Variants in VPS13C observed in about 807,000 individuals in gnomAD.
VPS13C encodes vacuolar protein sorting 13 homolog C.
Under a neutral mutation model 456.8 loss-of-function variants are expected in VPS13C, and 358 were observed. The observed-to-expected ratio is 0.78, with a 90% CI of 0.72 to 0.86. The LOEUF is 0.86. VPS13C is among the 40% of genes least tolerant of loss of function. The pLI, the probability that VPS13C is intolerant of heterozygous loss-of-function variation, is 0.00. For missense variants in VPS13C, 4,818 were observed against 4,385.4 expected (o/e 1.10, Z -2.79); for synonymous variants, 1,578 against 1,486.7 (o/e 1.06, Z -1.41).
At chr15:62,010,181 C>A (rs1596472107) in intron 13 of VPS13C, among the ~76,000 whole-genome samples, 1 of 150,804 alleles carries the variant, frequency 6.6e-6, no homozygotes, top group Admixed American at 6.6e-5. Flanking sequence ...CAGAGTGAGA[C>A]TCCATCTCAA....
chr15:61,919,714 T>C (rs141887038), intron 57 of VPS13C, among the ~76,000 whole-genome samples: 101 of 151,350 alleles, frequency 6.7e-4, no homozygotes, highest in African/African-American at 2.3e-3. Context: ...ATAGCAACAA[T>C]CTTTTTCTTT....
chr15:61,888,460 T>A (rs1440751736), intron 67 of VPS13C, among the ~76,000 whole-genome samples: 1 of 152,148 alleles, frequency 6.6e-6, no homozygotes, highest in African/African-American at 2.4e-5. Context: ...CCTTCAATAG[T>A]TGAATGGATA....
In VPS13C at chr15:61,964,825, G is replaced by C. The variant is rs1287877448; in HGVS notation, c.3088C>G (p.Gln1030Glu). ...FSSLNLLLQT[Q>E]ALVASINYLT... ...TAATTAATAGAAGCGACAAGAGCTT[G>C]TGTTTGCAGCAACAGATTTAAAGAT... The change falls in exon 31 of 85, where the codon CAA (glutamine) becomes GAA (glutamate). Residue 1030 changes from glutamine (Q) to glutamate (E), a missense_variant. Around this residue, in one of 3 missense-constraint regions of VPS13C, gnomAD observed 4,552 missense variants for 4,130.6 expected, o/e 1.10. Coordinates refer to ENST00000644861, the MANE Select transcript of VPS13C (RefSeq NM_020821.3). 1.2e-6 allele frequency: 2 copies of C among 1,606,848 alleles called. No homozygotes were observed. Among genetic ancestry groups the C allele is most frequent in the Non-Finnish European group, 1.7e-6 (2 of 1,177,696 alleles).
intron 80 of VPS13C, among the ~76,000 whole-genome samples, chr15:61,869,134 T>G (rs1201659673): frequency 1.3e-5 from 2 of 149,740 alleles, no homozygotes; most frequent in African/African-American, 4.9e-5. Context: ...TTTTTTTTTT[T>G]TGAGACAAAG....
chr15:61,952,471 AAAGAATATTTAAAAGGTCTTATG>A (rs2044833394), intron 38 of VPS13C, among the ~76,000 whole-genome samples: 1 of 152,114 alleles, frequency 6.6e-6, no homozygotes, highest in South Asian at 2.1e-4. Context: ...TATATATTAC[AAAGAATATTTAAAAGGTCTTATG>A]GACTTTATAT....
chr15:61,909,047 C>A lies in VPS13C; in HGVS notation c.8923G>T (p.Ala2975Ser), dbSNP rs2140140084. 1 of 1,613,622 alleles carries A rather than the reference C, an allele frequency of 6.2e-7. No homozygotes were observed. Among genetic ancestry groups the A allele is most frequent in the East Asian group, 2.2e-5 (1 of 44,850 alleles). ...ITFSDYHEGS[A>S]PALIMNHTPW... ...GTATGGTTCATTATCAAGGCAGGTG[C>A]AGATCCCTCATGGTAATCAGAAAAA... Residue 2975 changes from alanine (A) to serine (S), a missense_variant, in exon 65 of 85, where the codon GCA (alanine) becomes TCA (serine). Around this residue, in one of 3 missense-constraint regions of VPS13C, gnomAD observed 4,552 missense variants for 4,130.6 expected, o/e 1.10. Transcript: ENST00000644861.
intron 16 of VPS13C, among the ~76,000 whole-genome samples, chr15:61,995,434 T>C (rs935327326): frequency 4.6e-5 from 7 of 152,190 alleles, no homozygotes; most frequent in African/African-American, 1.7e-4. Context: ...AGCATGGGCA[T>C]GACTTGCAAC....
At chr15:61,950,834 A>G in intron 40 of VPS13C, 111 bp downstream of exon 40, 1 of 739,070 alleles carries the variant, frequency 1.4e-6, no homozygotes, top group Admixed American at 3.5e-5. Context: ...CACCATAATC[A>G]ATAAGTTTAG....
chr15:61,936,457 C>T, intron 48 of VPS13C, 140 bp downstream of exon 48: 1 of 779,356 alleles, frequency 1.3e-6, no homozygotes, highest in East Asian at 3.3e-5. Flanking sequence ...CCTCCCAGCC[C>T]CAGCCGAATT....
intron 3 of VPS13C, 135 bp from the exon 4 acceptor site, chr15:62,035,187 T>C (rs1228052056): frequency 3.5e-5 from 16 of 460,188 alleles, no homozygotes; most frequent in Non-Finnish European, 6.2e-5. Flanking sequence ...ATGAAAAAAA[T>C]CCAACACTAA....
At position 61,858,364 on chromosome 15, in the gene VPS13C, G is replaced by A. The variant is rs79467181; in HGVS notation, c.10953-1955C>T. 3.4e-4 allele frequency among the ~76,000 whole-genome samples: 45 copies of A among 131,254 alleles called. No homozygotes were observed. Among genetic ancestry groups the A allele is most frequent in the African/African-American group, 1.3e-3 (45 of 33,606 alleles). 86.1% of individuals were successfully genotyped at this position (131,254 alleles called of 152,430 possible). ...TATCTATCTATCTATCTATCTATCT[G>A]TCTATCTATCTCCCTCCCTCCCTAT... On this transcript the variant is annotated intron_variant, in intron 82 of 84. Transcript: ENST00000644861. The surrounding 1 kb of genome is among the most constrained non-coding windows in gnomAD (Gnocchi z 4.4).
chr15:62,014,271 C>T (rs1195682334), intron 9 of VPS13C, among the ~76,000 whole-genome samples: 6 of 151,950 alleles, frequency 3.9e-5, no homozygotes, highest in African/African-American at 1.5e-4. Flanking sequence ...TGAATGAAAA[C>T]AGAGAGCCAG....
intron 15 of VPS13C, among the ~76,000 whole-genome samples, chr15:62,003,127 G>T (rs1374957813): frequency 3.3e-5 from 5 of 152,056 alleles, no homozygotes; most frequent in African/African-American, 9.7e-5. Flanking sequence ...CCATTTTCAT[G>T]ATATTGATTC....
intron 12 of VPS13C, 113 bp from the exon 13 acceptor site, chr15:62,010,712 G>T: frequency 2.7e-6 from 3 of 1,126,380 alleles, no homozygotes; most frequent in Middle Eastern, 2.2e-4. Flanking sequence ...GATCAAAAAT[G>T]TGTGTAACAA....
At chr15:61,863,233 G>A (rs1054858330) in intron 82 of VPS13C, among the ~76,000 whole-genome samples, 23 of 152,050 alleles carry the variant, frequency 1.5e-4, no homozygotes, top group African/African-American at 5.3e-4. Context: ...CTCAGTTTCA[G>A]CATCTTTCAG....
chr15:61,976,820 T>G (rs948453370), intron 24 of VPS13C, among the ~76,000 whole-genome samples: 7 of 152,044 alleles, frequency 4.6e-5, no homozygotes, highest in Non-Finnish European at 8.8e-5. Context: ...TTTATTTTGT[T>G]GATATTAAGC....
rs535692159 is a variant in VPS13C, at chr15:61,974,257, T to G, written c.2538+31A>C. Reference sequence around the variant, plus strand: ...CATCACTGCTCTAAAACAATAAAAATAGGGTTATACATTTTATTGTATCTA... The same window carrying G: ...CATCACTGCTCTAAAACAATAAAAAGAGGGTTATACATTTTATTGTATCTA... On this transcript the variant is annotated intron_variant, in intron 25 of 84. Transcript: ENST00000644861. 1.9e-6 allele frequency: 3 copies of G among 1,578,334 alleles called. No homozygotes were observed. The Admixed American group carries it at 5.3e-5, about 28-fold the overall frequency.
intron 47 of VPS13C, among the ~76,000 whole-genome samples, chr15:61,940,135 C>G (rs550139115): frequency 2.0e-5 from 3 of 152,078 alleles, no homozygotes; most frequent in Non-Finnish European, 4.4e-5. Context: ...CAAATATACA[C>G]ATTTGCCTAT....
chr15:62,002,277 G>A (rs1033613793), intron 15 of VPS13C, among the ~76,000 whole-genome samples: 2 of 152,192 alleles, frequency 1.3e-5, no homozygotes, highest in African/African-American at 4.8e-5. Context: ...CAGTGATGGT[G>A]AGCATTTTTT....
Sources: allele counts gnomAD v4.1 joint callset (sites outside exome capture counted in the v4.1 genomes callset), GRCh38; gene constraint gnomAD v4.1.1; regional missense constraint gnomAD v4.1.1; non-coding constraint Gnocchi (gnomAD v3.1); transcripts MANE v1.5; gene names NCBI Gene and HGNC (gene_info 2026-07-23, HGNC 2026-07-21).